Variants in PLOD2 observed in about 807,000 individuals in gnomAD.
The protein encoded by PLOD2 is procollagen-lysine,2-oxoglutarate 5-dioxygenase 2.
Under a neutral mutation model 101.0 loss-of-function variants are expected in PLOD2, and 65 were observed. The ratio of observed to expected loss-of-function variants is 0.64; its 90% CI spans 0.53 to 0.79. PLOD2 has a LOEUF of 0.79. PLOD2 is among the 30% of genes least tolerant of loss of function. PLOD2 has a pLI of 0.00. For synonymous variants in PLOD2, 314 were observed against 302.9 expected (o/e 1.04, Z -0.38); for missense variants, 909 against 914.6 (o/e 0.99, Z 0.08).
chr3:146,072,014 T>C (rs1173648620), intron 17 of PLOD2, among the ~76,000 whole-genome samples: 1 of 151,726 alleles, frequency 6.6e-6, no homozygotes. Context: ...AGTATTCTGC[T>C]AAAATGGCAT....
At position 146,081,886 on chromosome 3, in the gene PLOD2, TG is replaced by T. The variant is rs781530300; in HGVS notation, c.1233-24del. On this transcript the variant is annotated intron_variant, in intron 11 of 19. Coordinates refer to ENST00000282903, the MANE Select transcript of PLOD2 (RefSeq NM_182943.3). ...TTTCTAAAGACAGAGAGAGTGTGTG[TG>T]AGAGAGAGAAACCTATATAATTATT... is the stretch of plus-strand genomic sequence containing the variant. The T allele has an allele frequency of 1.7e-5, 28 of 1,603,086 alleles. 1 individual carries two copies. In the South Asian group the frequency reaches 3.0e-4, roughly 17 times the overall value.
At chr3:146,073,239 G>T in intron 16 of PLOD2, 48 bp downstream of exon 16, 2 of 740,878 alleles carry the variant, frequency 2.7e-6, no homozygotes, top group South Asian at 1.8e-5. Flanking sequence ...TATTTCTTCT[G>T]GAAAATAACA....
Position 146,070,588 on chromosome 3 carries a change from G to A in PLOD2, c.*129C>T. 1.7e-6 allele frequency: 1 copy of A among 602,644 alleles called. No individual in the cohort carries two copies. Among genetic ancestry groups the A allele is most frequent in the Non-Finnish European group, 2.9e-6 (1 of 344,502 alleles). 37.3% of individuals were successfully genotyped at this position (602,644 alleles called of 1,614,324 possible). ...TTATAAAAAGTTTTTCAAATGTTTGGCCCAAAGTGAAGTTGTTCTGTTGAT... is the reference window on the plus strand; with the variant it reads ...TTATAAAAAGTTTTTCAAATGTTTGACCCAAAGTGAAGTTGTTCTGTTGAT... On this transcript the variant is annotated 3_prime_UTR_variant, in exon 20 of 20. Transcript: ENST00000282903.
At chr3:146,098,309 T>C (rs1937273862) in intron 7 of PLOD2, among the ~76,000 whole-genome samples, 1 of 144,580 alleles carries the variant, frequency 6.9e-6, no homozygotes. Context: ...ATCTTATACA[T>C]TACTAACAAT....
chr3:146,136,580 A>G (rs1576621703), intron 1 of PLOD2, among the ~76,000 whole-genome samples: 1 of 152,348 alleles, frequency 6.6e-6, no homozygotes, highest in East Asian at 1.9e-4. Flanking sequence ...TGATGTTCCC[A>G]TCAATGATGA....
intron 2 of PLOD2, among the ~76,000 whole-genome samples, chr3:146,123,011 G>A (rs2030283283): frequency 1.3e-5 from 2 of 151,964 alleles, no homozygotes; most frequent in Non-Finnish European, 2.9e-5. Context: ...TTTCTAACAT[G>A]TTTTTCATTT....
At chr3:146,124,273 A>C in intron 1 of PLOD2, 44 bp from the exon 2 acceptor site, 1 of 1,060,978 alleles carries the variant, frequency 9.4e-7, no homozygotes. Context: ...CCAAGATATC[A>C]AATGCTCACA....
chr3:146,092,745 C>T (rs770927453), intron 7 of PLOD2, among the ~76,000 whole-genome samples: 2 of 151,954 alleles, frequency 1.3e-5, no homozygotes, highest in African/African-American at 2.4e-5. Context: ...GGTAGACACA[C>T]TTAGATTTGC....
At chr3:146,097,659 TGCG>T (rs1351300338) in intron 7 of PLOD2, among the ~76,000 whole-genome samples, 3 of 122,854 alleles carry the variant, frequency 2.4e-5, no homozygotes, top group Non-Finnish European at 3.3e-5. Context: ...ACACAAACAC[TGCG>T]GAAGGCCGCA....
intron 1 of PLOD2, among the ~76,000 whole-genome samples, chr3:146,132,988 C>CCAG: frequency 6.6e-6 from 1 of 152,126 alleles, no homozygotes; most frequent in African/African-American, 2.4e-5. Context: ...ACCATCCTGG[C>CCAG]TATGGTGAAA....
intron 1 of PLOD2, among the ~76,000 whole-genome samples, chr3:146,145,541 G>A (rs1175224218): frequency 6.6e-6 from 1 of 152,108 alleles, no homozygotes; most frequent in Non-Finnish European, 1.5e-5. Flanking sequence ...AGGAGTTTCA[G>A]CCATAAGCTT....
At chr3:146,147,977 T>G (rs1000404454) in intron 1 of PLOD2, among the ~76,000 whole-genome samples, 3 of 152,146 alleles carry the variant, frequency 2.0e-5, no homozygotes, top group African/African-American at 7.2e-5. Flanking sequence ...ACAAGAAAGA[T>G]TCTGATTTTT....
Position 146,070,823 on chromosome 3 carries a change from C to T in PLOD2, c.2171G>A (p.Arg724Gln), listed in dbSNP as rs776078472. ...LRYNCSIESP[R>Q]KGWSFMHPGR... ...AGGATGCATGAAGCTCCAGCCTTTT[C>T]GTGGTGACTCAATAGAGCAATTGTA... Residue 724 changes from arginine to glutamine, a missense_variant, in exon 20 of 20, where the codon CGA becomes CAA. Physicochemically the swap from Arg to Gln is conservative, Grantham distance 43. Coordinates refer to ENST00000282903, the MANE Select transcript of PLOD2 (RefSeq NM_182943.3). The T allele has an allele frequency of 2.4e-5, 39 of 1,610,512 alleles. No homozygotes were observed. The highest frequency in any genetic ancestry group is 6.7e-5 in the African/African-American group (5 of 74,752).
At chr3:146,075,916 A>AT (rs1176027844) in intron 15 of PLOD2, 1 of 151,652 alleles carries the variant, frequency 6.6e-6, no homozygotes, top group Non-Finnish European at 1.5e-5. Context: ...TGTCGTTTTA[A>AT]TTTTTTTCTT....
chr3:146,126,309 CTA>C (rs1268744309), intron 1 of PLOD2, among the ~76,000 whole-genome samples: 6 of 151,874 alleles, frequency 4.0e-5, no homozygotes, highest in Non-Finnish European at 7.4e-5. Context: ...CTCTAAGTTG[CTA>C]TTCAGTATCA....
chr3:146,130,037 C>G (rs2030817292), intron 1 of PLOD2, among the ~76,000 whole-genome samples: 1 of 152,148 alleles, frequency 6.6e-6, no homozygotes, highest in South Asian at 2.1e-4. Context: ...TAGAGAAACT[C>G]CATTACCACA....
At chr3:146,099,720 A>C (rs1483939847) in intron 7 of PLOD2, among the ~76,000 whole-genome samples, 8 of 152,066 alleles carry the variant, frequency 5.3e-5, no homozygotes, top group Admixed American at 1.3e-4. Flanking sequence ...TATATTACCA[A>C]GGAGGAACAG....
At chr3:146,115,965 C>T (rs377013202) in intron 3 of PLOD2, among the ~76,000 whole-genome samples, 132 of 152,238 alleles carry the variant, frequency 8.7e-4, no homozygotes, top group African/African-American at 3.0e-3. Context: ...TGAGTCTCAA[C>T]AAGAAGCAAA....
intron 1 of PLOD2, among the ~76,000 whole-genome samples, chr3:146,150,446 G>A (rs1334115032): frequency 6.6e-6 from 1 of 151,944 alleles, no homozygotes; most frequent in Admixed American, 6.6e-5. Context: ...GGAGCTGGAG[G>A]CTATTATCCT....
Sources: gnomAD v4.1 joint callset for allele counts (sites outside exome capture counted in the v4.1 genomes callset) on GRCh38, gnomAD v4.1.1 for gene constraint, MANE v1.5 for transcripts, NCBI Gene and HGNC (gene_info 2026-07-23, HGNC 2026-07-21) for gene names.